Variants in CFAP53 observed in about 807,000 individuals in gnomAD.
The protein encoded by CFAP53 is cilia and flagella associated protein 53, also known as cilia- and flagella-associated protein 53.
CFAP53 carries 62 observed loss-of-function variants against 59.7 expected under a neutral mutation model. The ratio of observed to expected loss-of-function variants is 1.04; its 90% CI spans 0.85 to 1.28. The LOEUF is 1.28. Among genes scored for constraint, CFAP53 ranks in the 50% most tolerant of loss-of-function variants. CFAP53 has a pLI of 0.00. For missense variants in CFAP53, 629 were observed against 615.6 expected (o/e 1.02, Z -0.23); for synonymous variants, 218 against 205.7 (o/e 1.06, Z -0.51).
At chr18:50,260,889 C>G (rs1468419446) in intron 3 of CFAP53, among the ~76,000 whole-genome samples, 175 bp downstream of exon 3, 1 of 152,200 alleles carries the variant, frequency 6.6e-6, no homozygotes, top group Non-Finnish European at 1.5e-5. Flanking sequence ...AACATTAGAA[C>G]ATAGTTCTCA....
At chr18:50,253,560 G>A (rs1291418580) in intron 3 of CFAP53, among the ~76,000 whole-genome samples, 1 of 152,176 alleles carries the variant, frequency 6.6e-6, no homozygotes, top group Non-Finnish European at 1.5e-5. Flanking sequence ...CTTATTATCT[G>A]CCAGACACTA....
intron 3 of CFAP53, among the ~76,000 whole-genome samples, chr18:50,258,279 G>A (rs564975607): frequency 6.6e-6 from 1 of 151,534 alleles, no homozygotes; most frequent in Non-Finnish European, 1.5e-5. Context: ...AAAAAGAATA[G>A]AGAACCCAGA....
chr18:50,239,462 C>T (rs2033668047), intron 6 of CFAP53, among the ~76,000 whole-genome samples: 1 of 152,122 alleles, frequency 6.6e-6, no homozygotes, highest in South Asian at 2.1e-4. Context: ...ATAAATACAA[C>T]TGGCTAATAT....
At chr18:50,242,056 G>T (rs1310940065) in intron 6 of CFAP53, among the ~76,000 whole-genome samples, 1 of 152,150 alleles carries the variant, frequency 6.6e-6, no homozygotes, top group African/African-American at 2.4e-5. Context: ...GCTGGGAAAA[G>T]AATTCAGCAA....
intron 3 of CFAP53, among the ~76,000 whole-genome samples, chr18:50,258,484 T>C (rs2033864295): frequency 6.6e-6 from 1 of 152,168 alleles, no homozygotes; most frequent in African/African-American, 2.4e-5. Context: ...ATCTAAGACC[T>C]CAAACTATGA....
rs368815693 is a variant in CFAP53 at position 50,250,809 on chromosome 18, T to C, written c.945A>G (p.Gln315=). 1.2e-4 allele frequency: 201 copies of C among 1,614,222 alleles called. 1 individual carries two copies. In the East Asian group the frequency reaches 1.9e-3, roughly 15 times the overall value. Residue 315 remains glutamine (Q), a synonymous_variant, in exon 5 of 8, where the codon CAA becomes CAG. Coordinates refer to ENST00000398545, the MANE Select transcript of CFAP53 (RefSeq NM_145020.5). Reference sequence around the variant, plus strand: ...CTTCCTGTAAGTCTTGAAGGGCCCTTTGCACGAGCTTCATGTTCAAGTCCT... The same window carrying C: ...CTTCCTGTAAGTCTTGAAGGGCCCTCTGCACGAGCTTCATGTTCAAGTCCT... ...DEQDLNMKLV[Q]RALQDLQEEA... is the part of the protein sequence containing the mutation.
intron 6 of CFAP53, among the ~76,000 whole-genome samples, chr18:50,240,573 G>A (rs1325164106): frequency 6.6e-6 from 1 of 152,290 alleles, no homozygotes. Flanking sequence ...CTGTGACTGA[G>A]CACCCTTTCT....
intron 3 of CFAP53, chr18:50,256,277 TC>T (rs2033846205): frequency 6.6e-6 from 1 of 152,192 alleles, no homozygotes; most frequent in Non-Finnish European, 1.5e-5. Flanking sequence ...TATACCATTT[TC>T]CACCCACAGC....
intron 7 of CFAP53, among the ~76,000 whole-genome samples, chr18:50,228,408 A>C (rs1241272818): frequency 1.3e-5 from 2 of 152,130 alleles, no homozygotes; most frequent in Admixed American, 1.3e-4. Context: ...CATTCTGTTC[A>C]GTATTAACTA....
In CFAP53 at chr18:50,227,323, G is replaced by A; in HGVS notation, c.*58C>T. 7.4e-7 allele frequency: 1 copy of A among 1,352,648 alleles called. No homozygotes were observed. The highest frequency in any genetic ancestry group is 1.0e-6 in the Non-Finnish European group (1 of 954,834). The allele number at this position is 1,352,648 out of a possible 1,614,324, so 83.8% of individuals were successfully genotyped here. A position where few individuals can be genotyped will look rare whatever the true frequency, so the allele number is the denominator to read the frequency against. ...TCCAGGAGTTAAAAGAAGCATACAA[G>A]CATACTGTAGTTAAAAATATTAAAA... On this transcript the variant is annotated 3_prime_UTR_variant, in exon 8 of 8. Coordinates refer to ENST00000398545, the MANE Select transcript of CFAP53 (RefSeq NM_145020.5).
chr18:50,265,301 A>G (rs1347593159), intron 1 of CFAP53, among the ~76,000 whole-genome samples: 2 of 152,236 alleles, frequency 1.3e-5, no homozygotes, highest in African/African-American at 4.8e-5. Context: ...AGCAAACAAC[A>G]CATATTTATT....
chr18:50,255,844 T>G (rs1323334918), intron 3 of CFAP53, among the ~76,000 whole-genome samples: 1 of 149,228 alleles, frequency 6.7e-6, no homozygotes, highest in Non-Finnish European at 1.5e-5. Flanking sequence ...AGAAATAAAT[T>G]GTGGTATATT....
At chr18:50,240,549 C>G (rs1273908290) in intron 6 of CFAP53, among the ~76,000 whole-genome samples, 1 of 152,180 alleles carries the variant, frequency 6.6e-6, no homozygotes, top group Admixed American at 6.5e-5. Context: ...GATGTGCTCT[C>G]GCTATTGTTC....
rs369832784 is a variant in CFAP53 at position 50,242,688 on chromosome 18, T to A, written c.1213+212A>T. 9.2e-5 allele frequency among the ~76,000 whole-genome samples: 14 copies of A among 152,332 alleles called. No homozygotes were observed. The South Asian group carries it at 1.2e-3, about 14-fold the overall frequency. ...CAAATGATGTACTGTTCCTTTAACCTTGAGAACTTCTCCCCGTGACTGATT... is the reference window on the plus strand; with the variant it reads ...CAAATGATGTACTGTTCCTTTAACCATGAGAACTTCTCCCCGTGACTGATT... On this transcript the variant is annotated intron_variant, in intron 6 of 7. Transcript: ENST00000398545.
intron 5 of CFAP53, among the ~76,000 whole-genome samples, chr18:50,246,349 G>A (rs976230118): frequency 1.3e-5 from 2 of 152,184 alleles, no homozygotes; most frequent in Admixed American, 1.3e-4. Context: ...TTTGACAAGG[G>A]TGATAAGACA....
chr18:50,251,720 G>A lies in CFAP53; in HGVS notation c.538C>T (p.Arg180Trp), dbSNP rs768283464. The change falls in exon 4 of 8, where the codon CGG (arginine) becomes TGG (tryptophan). Residue 180 changes from arginine (R) to tryptophan (W), a missense_variant. By Grantham distance (101) the Arg-to-Trp change is moderately radical (BLOSUM62 -3). Transcript: ENST00000398545. The part of the protein sequence containing the change: ...SIHQKKVCEE[R>W]KAQIAFNEEL... ...TCATTAAATGCAATCTGTGCTTTCCGCTCCTCACACACCTTCTTCTGATGG... is the reference window on the plus strand; with the variant it reads ...TCATTAAATGCAATCTGTGCTTTCCACTCCTCACACACCTTCTTCTGATGG... 4 of 1,614,104 alleles carry A rather than the reference G, an allele frequency of 2.5e-6. No homozygotes were observed. Among genetic ancestry groups the A allele is most frequent in the Non-Finnish European group, 3.4e-6 (4 of 1,180,010 alleles).
chr18:50,260,939 C>T (rs900943461), intron 3 of CFAP53, 125 bp downstream of exon 3: 70 of 899,980 alleles, frequency 7.8e-5, no homozygotes, highest in Non-Finnish European at 1.1e-4. Flanking sequence ...AATATATTGC[C>T]AAGACTTAAA....
At chr18:50,242,542 C>T (rs548623998) in intron 6 of CFAP53, among the ~76,000 whole-genome samples, 4 of 152,280 alleles carry the variant, frequency 2.6e-5, no homozygotes, top group East Asian at 1.9e-4. Context: ...CCTGACTTCC[C>T]GAAACTGTAT....
chr18:50,239,803 G>A (rs2033671271), intron 6 of CFAP53, among the ~76,000 whole-genome samples: 1 of 152,128 alleles, frequency 6.6e-6, no homozygotes, highest in Non-Finnish European at 1.5e-5. Context: ...TATATATGTA[G>A]TAAAAATACT....
Sources: gnomAD v4.1 joint callset for allele counts (sites outside exome capture counted in the v4.1 genomes callset) on GRCh38, gnomAD v4.1.1 for gene constraint, MANE v1.5 for transcripts, NCBI Gene and HGNC (gene_info 2026-07-23, HGNC 2026-07-21) for gene names.